TRPC4: variants seen among roughly 807,000 people sequenced by gnomAD.
TRPC4 encodes transient receptor potential cation channel subfamily C member 4, also known as short transient receptor potential channel 4.
In TRPC4, 49 loss-of-function variants were observed where a neutral mutation model predicts 99.4. That is an observed-to-expected ratio of 0.49 (90% confidence interval 0.39 to 0.63). The LOEUF (loss-of-function observed/expected upper bound fraction) is 0.63. Ranked by LOEUF, TRPC4 falls within the 20% of genes least tolerant of loss-of-function variation. TRPC4 has a pLI of 0.00. For synonymous variants in TRPC4, 454 were observed against 425.9 expected (o/e 1.07, Z -0.81); for missense variants, 898 against 1,152.9 (o/e 0.78, Z 3.20).
chr13:37,807,938 C>T (rs886476328), intron 1 of TRPC4, among the ~76,000 whole-genome samples: 3 of 151,882 alleles, frequency 2.0e-5, no homozygotes, highest in African/African-American at 7.3e-5. Context: ...GTTCTGACAC[C>T]CTTGTGGTCA....
intron 2 of TRPC4, among the ~76,000 whole-genome samples, chr13:37,761,367 A>G (rs1478232199): frequency 6.6e-6 from 1 of 151,910 alleles, no homozygotes; most frequent in Non-Finnish European, 1.5e-5. Context: ...GCCTGACTCC[A>G]GAGTCTAAAT....
intron 7 of TRPC4, among the ~76,000 whole-genome samples, chr13:37,653,555 G>C (rs1455528567): frequency 6.6e-6 from 1 of 152,110 alleles, no homozygotes; most frequent in Non-Finnish European, 1.5e-5. Context: ...CTTCATGCAT[G>C]GAGTCCTGGG....
Position 37,773,453 on chromosome 13 carries a change from C to G in TRPC4, c.378+9503G>C, listed in dbSNP as rs117699438. 2.4e-3 allele frequency among the ~76,000 whole-genome samples: 361 copies of G among 151,940 alleles called. 2 individuals carry two copies. Among genetic ancestry groups the G allele is most frequent in the Non-Finnish European group, 4.0e-3 (271 of 67,864 alleles). On this transcript the variant is annotated intron_variant, in intron 2 of 10. Coordinates refer to ENST00000379705, the MANE Select transcript of TRPC4 (RefSeq NM_016179.4). ...CTCATGCACATGCATTTATTCCTCACTTACTGAACCCCTGTTACTTAGTAG... is the reference window on the plus strand; with the variant it reads ...CTCATGCACATGCATTTATTCCTCAGTTACTGAACCCCTGTTACTTAGTAG...
chr13:37,668,628 T>G (rs1952730822), intron 5 of TRPC4, among the ~76,000 whole-genome samples: 1 of 152,166 alleles, frequency 6.6e-6, no homozygotes, highest in South Asian at 2.1e-4. Flanking sequence ...ATCATAATAT[T>G]GGATCAGAAG....
intron 6 of TRPC4, among the ~76,000 whole-genome samples, chr13:37,657,917 G>A (rs749198092): frequency 1.3e-5 from 2 of 151,994 alleles, no homozygotes; most frequent in Non-Finnish European, 2.9e-5. Context: ...GAGATTTAAA[G>A]ACTAGTTCCA....
At chr13:37,653,181 T>A (rs557458662) in intron 7 of TRPC4, among the ~76,000 whole-genome samples, 1 of 152,320 alleles carries the variant, frequency 6.6e-6, no homozygotes, top group African/African-American at 2.4e-5. Flanking sequence ...ATCATTTTTT[T>A]GTTGAAAACA....
intron 3 of TRPC4, among the ~76,000 whole-genome samples, chr13:37,719,334 T>G (rs1954787268): frequency 6.6e-6 from 1 of 151,734 alleles, no homozygotes; most frequent in African/African-American, 2.4e-5. Context: ...GGTGACAGAG[T>G]GAGACCATGT....
chr13:37,693,001 A>G (rs1216582997), intron 3 of TRPC4, among the ~76,000 whole-genome samples: 1 of 152,166 alleles, frequency 6.6e-6, no homozygotes, highest in East Asian at 1.9e-4. Context: ...CTTATACAAA[A>G]CATTTCACAG....
chr13:37,831,629 C>A (rs2139595457), intron 1 of TRPC4, among the ~76,000 whole-genome samples: 1 of 152,118 alleles, frequency 6.6e-6, no homozygotes, highest in South Asian at 2.1e-4. Flanking sequence ...TGGAATCAAC[C>A]TAAGTGTATA....
chr13:37,790,573 A>C (rs973869299), intron 1 of TRPC4, among the ~76,000 whole-genome samples: 4 of 152,202 alleles, frequency 2.6e-5, no homozygotes, highest in Admixed American at 2.0e-4. Context: ...CTGGGCAAGC[A>C]GCTCCCTTAT....
chr13:37,722,431 G>A (rs966415231), intron 3 of TRPC4, among the ~76,000 whole-genome samples: 2 of 152,192 alleles, frequency 1.3e-5, no homozygotes, highest in Non-Finnish European at 2.9e-5. Context: ...CAAATTTCTT[G>A]TGCTCACTGA....
intron 5 of TRPC4, among the ~76,000 whole-genome samples, chr13:37,668,953 T>G (rs1244058087): frequency 1.3e-5 from 2 of 152,154 alleles, no homozygotes; most frequent in Admixed American, 1.3e-4. Flanking sequence ...TTCAAATCTT[T>G]ATAGCTTTCT....
intron 2 of TRPC4, among the ~76,000 whole-genome samples, chr13:37,762,410 A>T (rs1956246993): frequency 1.3e-5 from 2 of 151,672 alleles, no homozygotes; most frequent in Non-Finnish European, 2.9e-5. Flanking sequence ...ATAAAGACAC[A>T]TGCACACGTA....
intron 1 of TRPC4, among the ~76,000 whole-genome samples, chr13:37,860,805 A>G (rs950095633): frequency 5.3e-5 from 8 of 151,640 alleles, no homozygotes; most frequent in African/African-American, 1.9e-4. Flanking sequence ...TAGACAATTG[A>G]AAATTCCCAT....
intron 3 of TRPC4, among the ~76,000 whole-genome samples, chr13:37,742,918 A>T (rs1232712408): frequency 6.6e-6 from 1 of 152,256 alleles, no homozygotes; most frequent in Non-Finnish European, 1.5e-5. Context: ...TTATTCCTGA[A>T]TTTTTTAAAT....
At chr13:37,856,997 C>T (rs546261292) in intron 1 of TRPC4, among the ~76,000 whole-genome samples, 11 of 151,336 alleles carry the variant, frequency 7.3e-5, no homozygotes, top group Admixed American at 5.9e-4. Flanking sequence ...ACAAGGATGC[C>T]CGCTTTCATA....
At chr13:37,835,945 C>T (rs1593289418) in intron 1 of TRPC4, among the ~76,000 whole-genome samples, 1 of 152,210 alleles carries the variant, frequency 6.6e-6, no homozygotes, top group Admixed American at 6.5e-5. Context: ...ACACAAATCT[C>T]ATCTTAAATT....
At chr13:37,679,503 G>C (rs1953166135) in intron 4 of TRPC4, among the ~76,000 whole-genome samples, 1 of 152,120 alleles carries the variant, frequency 6.6e-6, no homozygotes, top group East Asian at 1.9e-4. Flanking sequence ...TAAAAGCATA[G>C]TAGACATGAT....
chr13:37,805,413 G>A (rs538665893), intron 1 of TRPC4, among the ~76,000 whole-genome samples: 147 of 152,014 alleles, frequency 9.7e-4, no homozygotes, highest in Non-Finnish European at 1.7e-3. Flanking sequence ...CTTCACTGGG[G>A]AAGTCTTGAA....
Sources: gnomAD v4.1 joint callset for allele counts (sites outside exome capture counted in the v4.1 genomes callset) on GRCh38, gnomAD v4.1.1 for gene constraint, MANE v1.5 for transcripts, NCBI Gene and HGNC (gene_info 2026-07-23, HGNC 2026-07-21) for gene names.